Variants in COL23A1 observed in about 807,000 individuals in gnomAD.
COL23A1 encodes the protein collagen alpha-1(XXIII) chain.
Under a neutral mutation model 99.3 loss-of-function variants are expected in COL23A1, and 97 were observed. The observed-to-expected ratio is 0.98, with a 90% CI of 0.83 to 1.16. COL23A1 has a LOEUF of 1.16. Ranked by LOEUF, COL23A1 falls within the 50% of genes most tolerant of loss-of-function variation. The pLI, the probability that COL23A1 is intolerant of heterozygous loss-of-function variation, is 0.00. For synonymous variants in COL23A1, 320 were observed against 308.2 expected (o/e 1.04, Z -0.40); for missense variants, 762 against 757.4 (o/e 1.01, Z -0.07).
Position 178,545,178 on chromosome 5 carries a change from A to G in COL23A1, c.361+15504T>C, listed in dbSNP as rs549167930. ...GGGGTGGGGGGTGTTCTAGTTCCTG[A>G]TGGGGGAGGCGGGTGCCCCTCATGG... On this transcript the variant is annotated intron_variant, in intron 2 of 28. Transcript: ENST00000390654. Among the ~76,000 whole-genome samples the G allele has an allele frequency of 7.3e-5, 11 of 150,872 alleles. No individual in the cohort carries two copies. In the South Asian group the frequency reaches 2.3e-3, roughly 32 times the overall value.
intron 2 of COL23A1, among the ~76,000 whole-genome samples, chr5:178,447,450 G>A (rs527824126): frequency 6.6e-6 from 1 of 152,196 alleles, no homozygotes; most frequent in Non-Finnish European, 1.5e-5. Context: ...GGTCCCTTAA[G>A]ATTATAATAC....
At chr5:178,494,055 G>A (rs1002604943) in intron 2 of COL23A1, among the ~76,000 whole-genome samples, 5 of 152,184 alleles carry the variant, frequency 3.3e-5, no homozygotes, top group Non-Finnish European at 4.4e-5. Flanking sequence ...GTTTGTTTTG[G>A]CATTCAGATC....
At chr5:178,378,722 G>A (rs968113376) in intron 2 of COL23A1, among the ~76,000 whole-genome samples, 3 of 152,172 alleles carry the variant, frequency 2.0e-5, no homozygotes, top group Non-Finnish European at 2.9e-5. Flanking sequence ...TGCCTCCTGG[G>A]AAAGGTCACC....
chr5:178,403,122 ATAAATAAATAAAAAAT>A lies in COL23A1; in HGVS notation c.362-96219_362-96204del, dbSNP rs1430216165. Among the ~76,000 whole-genome samples the A allele has an allele frequency of 9.9e-5, 11 of 111,230 alleles. 2 individuals carry two copies. Among genetic ancestry groups the A allele is most frequent in the African/African-American group, 2.9e-4 (8 of 28,002 alleles). The allele number at this position is 111,230 out of a possible 152,430, so 73.0% of individuals were successfully genotyped here. A position where few individuals can be genotyped will look rare whatever the true frequency, so the allele number is the denominator to read the frequency against. The stretch of plus-strand genomic sequence containing the variant: ...AGACTCCATCTCAAAAAAAAAAAAA[ATAAATAAATAAAAAAT>A]AAATACCATTTACCGAAATCTTCTA... On this transcript the variant is annotated intron_variant, in intron 2 of 28. Coordinates refer to ENST00000390654, the MANE Select transcript of COL23A1 (RefSeq NM_173465.4).
At chr5:178,463,034 G>A (rs1010375827) in intron 2 of COL23A1, among the ~76,000 whole-genome samples, 1 of 152,268 alleles carries the variant, frequency 6.6e-6, no homozygotes, top group Non-Finnish European at 1.5e-5. Flanking sequence ...GGGCTGGAAT[G>A]TGCAAAGGCC....
At chr5:178,275,839 G>T (rs552107766) in intron 5 of COL23A1, among the ~76,000 whole-genome samples, 1 of 152,054 alleles carries the variant, frequency 6.6e-6, no homozygotes. Context: ...GGTCCTGACC[G>T]ATCAATGACC....
intron 2 of COL23A1, among the ~76,000 whole-genome samples, chr5:178,355,601 C>T (rs1394338076): frequency 3.3e-5 from 5 of 151,948 alleles, no homozygotes; most frequent in South Asian, 4.2e-4. Context: ...GGTGCGATCT[C>T]GGCTCACTGC....
chr5:178,534,102 C>T (rs112835579), intron 2 of COL23A1, among the ~76,000 whole-genome samples: 2,108 of 152,226 alleles, frequency 0.014, 52 homozygotes, highest in African/African-American at 0.048. Context: ...ACTGGGGCTG[C>T]GGTAACAAAA....
At chr5:178,327,866 G>C (rs1015385586) in intron 2 of COL23A1, among the ~76,000 whole-genome samples, 2 of 152,192 alleles carry the variant, frequency 1.3e-5, no homozygotes, top group African/African-American at 4.8e-5. Flanking sequence ...TACCCGAACA[G>C]TCCTGGCAGA....
chr5:178,517,025 G>T (rs556180839), intron 2 of COL23A1, among the ~76,000 whole-genome samples: 120 of 152,306 alleles, frequency 7.9e-4, no homozygotes, highest in African/African-American at 2.8e-3. Flanking sequence ...CCAGGACTCA[G>T]TGGGGACGGG....
chr5:178,405,533 T>C (rs1185624614), intron 2 of COL23A1, among the ~76,000 whole-genome samples: 1 of 152,178 alleles, frequency 6.6e-6, no homozygotes, highest in African/African-American at 2.4e-5. Flanking sequence ...CTTTGCATTG[T>C]TAAAAAAAGT....
chr5:178,464,561 T>C (rs1190416428), intron 2 of COL23A1, among the ~76,000 whole-genome samples: 1 of 152,182 alleles, frequency 6.6e-6, no homozygotes, highest in African/African-American at 2.4e-5. Context: ...TTGCTATTCG[T>C]AAGGTCCAGC....
intron 27 of COL23A1, among the ~76,000 whole-genome samples, chr5:178,239,862 C>T (rs1764299593): frequency 7.5e-6 from 1 of 133,940 alleles, no homozygotes; most frequent in Non-Finnish European, 1.5e-5. Context: ...GGCTTCCTGT[C>T]TGATGTGACA....
At chr5:178,577,616 C>T (rs921456336) in intron 1 of COL23A1, among the ~76,000 whole-genome samples, 1 of 152,184 alleles carries the variant, frequency 6.6e-6, no homozygotes, top group Non-Finnish European at 1.5e-5. Context: ...CGCCTGCCCC[C>T]CGCTGCCTGG....
chr5:178,269,255 G>A (rs1384500464), intron 6 of COL23A1, among the ~76,000 whole-genome samples: 1 of 151,112 alleles, frequency 6.6e-6, no homozygotes, highest in Non-Finnish European at 1.5e-5. Context: ...GCTCCTTGGA[G>A]TATGGGTTCC....
At chr5:178,328,244 T>TC (rs1483654665) in intron 2 of COL23A1, among the ~76,000 whole-genome samples, 1 of 151,980 alleles carries the variant, frequency 6.6e-6, no homozygotes, top group South Asian at 2.1e-4. Flanking sequence ...CTGTTCCTCA[T>TC]CCCCCCTGTC....
chr5:178,536,403 T>C (rs1048705354), intron 2 of COL23A1, among the ~76,000 whole-genome samples: 1 of 152,258 alleles, frequency 6.6e-6, no homozygotes, highest in East Asian at 1.9e-4. Context: ...TTCCTCGCTA[T>C]GCTCACAAAA....
At chr5:178,485,205 G>T (rs1309403928) in intron 2 of COL23A1, among the ~76,000 whole-genome samples, 2 of 152,198 alleles carry the variant, frequency 1.3e-5, no homozygotes, top group African/African-American at 4.8e-5. Context: ...GGATGTGGTG[G>T]CTCACGCCTG....
chr5:178,547,939 ACCC>A (rs1761776432), intron 2 of COL23A1, among the ~76,000 whole-genome samples: 1 of 16,708 alleles, frequency 6.0e-5, no homozygotes, highest in Admixed American at 8.4e-4. Context: ...ACCCACACCC[ACCC>A]CCCACACACA....
Sources: allele counts gnomAD v4.1 joint callset (sites outside exome capture counted in the v4.1 genomes callset), GRCh38; gene constraint gnomAD v4.1.1; transcripts MANE v1.5; gene names NCBI Gene and HGNC (gene_info 2026-07-23, HGNC 2026-07-21).